DGKB: variants seen among roughly 807,000 people sequenced by gnomAD.
DGKB encodes diacylglycerol kinase beta, also known as 90 kDa diacylglycerol kinase.
Under a neutral mutation model 114.3 loss-of-function variants are expected in DGKB, and 67 were observed. That is an observed-to-expected ratio of 0.59 (90% CI 0.48 to 0.72). The LOEUF (loss-of-function observed/expected upper bound fraction) is 0.72, where lower values mean the gene tolerates loss of function less well. DGKB is among the 30% of genes least tolerant of loss of function. The pLI is 0.00. For missense variants in DGKB, 907 were observed against 975.2 expected (o/e 0.93, Z 0.93); for synonymous variants, 398 against 323.1 (o/e 1.23, Z -2.49).
Position 14,909,513 on chromosome 7 carries a change from A to T in DGKB, c.-188+65183T>A, listed in dbSNP as rs1398945168. Among the ~76,000 whole-genome samples, 2 of 152,142 alleles carry T rather than the reference A, an allele frequency of 1.3e-5. 1 individual carries two copies. Among genetic ancestry groups the T allele is most frequent in the Non-Finnish European group, 2.9e-5 (2 of 68,026 alleles). On this transcript the variant is annotated intron_variant, in intron 1 of 4. Transcript: ENST00000437998. ...ATAATTTGTAGAAATTGAAAAAAAAATGTTTTTCATTTAACATGTTTAAAA... is the reference window on the plus strand; with the variant it reads ...ATAATTTGTAGAAATTGAAAAAAAATTGTTTTTCATTTAACATGTTTAAAA...
intron 21 of DGKB, among the ~76,000 whole-genome samples, chr7:14,391,298 G>C (rs1299691173): frequency 6.6e-6 from 1 of 152,116 alleles, no homozygotes; most frequent in African/African-American, 2.4e-5. Flanking sequence ...CTCCTCATAA[G>C]CCAAGTCAAC....
chr7:14,729,170 T>G (rs1331007136), intron 5 of DGKB, among the ~76,000 whole-genome samples: 1 of 144,946 alleles, frequency 6.9e-6, no homozygotes, highest in Non-Finnish European at 1.5e-5. Context: ...TTGCCCAGGC[T>G]GGAGTGCAGT....
intron 13 of DGKB, among the ~76,000 whole-genome samples, chr7:14,654,759 C>G (rs1815415750): frequency 6.6e-6 from 1 of 151,852 alleles, no homozygotes; most frequent in Non-Finnish European, 1.5e-5. Flanking sequence ...GACATAGGCT[C>G]TAAGAACATA....
chr7:14,926,288 T>G lies in DGKB; in HGVS notation c.-188+48408A>C, dbSNP rs1330419087. 4.6e-5 allele frequency among the ~76,000 whole-genome samples: 7 copies of G among 152,188 alleles called. No individual in the cohort carries two copies. In the South Asian group the frequency reaches 1.4e-3, roughly 32 times the overall value. The stretch of plus-strand genomic sequence containing the variant: ...CTTGTCAGACAACCACACCATTTGA[T>G]TCATTTTCATATTGGCATCTGTTGA... On this transcript the variant is annotated intron_variant, in intron 1 of 4. Transcript: ENST00000437998.
intron 1 of DGKB, among the ~76,000 whole-genome samples, chr7:14,971,585 A>C (rs2115307746): frequency 6.6e-6 from 1 of 152,272 alleles, no homozygotes; most frequent in Admixed American, 6.5e-5. Flanking sequence ...CATTTCTGAA[A>C]CCAACTAGGC....
At chr7:14,725,667 C>T (rs1829916591) in intron 5 of DGKB, among the ~76,000 whole-genome samples, 1 of 151,916 alleles carries the variant, frequency 6.6e-6, no homozygotes. Context: ...CCCACCTCAG[C>T]CTCCAAGAAG....
intron 23 of DGKB, among the ~76,000 whole-genome samples, chr7:14,315,662 A>G (rs2128518059): frequency 6.8e-6 from 1 of 147,292 alleles, no homozygotes; most frequent in Non-Finnish European, 1.5e-5. Flanking sequence ...AAAGAGACTT[A>G]GACTCCCACA....
intron 25 of DGKB, among the ~76,000 whole-genome samples, chr7:14,153,803 A>C (rs1782576607): frequency 6.6e-6 from 1 of 152,118 alleles, no homozygotes; most frequent in African/African-American, 2.4e-5. Flanking sequence ...GCATGGCATC[A>C]GGCTTTTCAA....
chr7:14,660,242 C>T (rs1406472586), intron 13 of DGKB, among the ~76,000 whole-genome samples: 3 of 151,868 alleles, frequency 2.0e-5, no homozygotes, highest in African/African-American at 4.8e-5. Flanking sequence ...ATGATGCTGG[C>T]CTCATCAAAT....
chr7:14,191,986 C>T, intron 23 of DGKB: 1 of 607,040 alleles, frequency 1.6e-6, no homozygotes, highest in Non-Finnish European at 2.8e-6. Flanking sequence ...TGGTTCCTGG[C>T]AAGCTCCTGT....
chr7:14,746,288 C>G (rs975172877), intron 4 of DGKB, among the ~76,000 whole-genome samples: 1 of 152,082 alleles, frequency 6.6e-6, no homozygotes, highest in Non-Finnish European at 1.5e-5. Flanking sequence ...GAGCTGAGAT[C>G]ACACCACTGC....
intron 1 of DGKB, among the ~76,000 whole-genome samples, chr7:14,886,283 A>G (rs530574423): frequency 6.6e-6 from 1 of 151,982 alleles, no homozygotes; most frequent in Non-Finnish European, 1.5e-5. Context: ...AGATCTGAAC[A>G]TGGGAAGAAG....
intron 23 of DGKB, among the ~76,000 whole-genome samples, chr7:14,255,660 AAT>A (rs1795859988): frequency 6.6e-6 from 1 of 152,156 alleles, no homozygotes; most frequent in South Asian, 2.1e-4. Flanking sequence ...TCCTGAACTT[AAT>A]GTTAATTCTC....
chr7:14,397,291 G>A (rs1236922924), intron 21 of DGKB, among the ~76,000 whole-genome samples: 1 of 152,072 alleles, frequency 6.6e-6, no homozygotes, highest in Admixed American at 6.6e-5. Context: ...GCTGACCTGT[G>A]GGAGTTTGCC....
chr7:14,558,202 G>A (rs1796145280), intron 20 of DGKB, among the ~76,000 whole-genome samples: 1 of 135,532 alleles, frequency 7.4e-6, no homozygotes, highest in Non-Finnish European at 1.6e-5. Context: ...TCTGTATAGA[G>A]GATGACTATA....
intron 1 of DGKB, among the ~76,000 whole-genome samples, chr7:14,892,244 G>A (rs1781357972): frequency 6.6e-6 from 1 of 151,280 alleles, no homozygotes; most frequent in Non-Finnish European, 1.5e-5. Flanking sequence ...CCAGAATGGA[G>A]GCAATGCCCA....
At chr7:14,556,688 C>A (rs1040034224) in intron 20 of DGKB, among the ~76,000 whole-genome samples, 8 of 152,042 alleles carry the variant, frequency 5.3e-5, no homozygotes, top group African/African-American at 1.7e-4. Flanking sequence ...TTGAAATAAA[C>A]CCTATTGGGT....
intron 16 of DGKB, among the ~76,000 whole-genome samples, chr7:14,607,718 T>TA (rs1355890686): frequency 6.6e-6 from 1 of 152,000 alleles, no homozygotes; most frequent in Non-Finnish European, 1.5e-5. Flanking sequence ...TAGTAGCCAC[T>TA]ATTAAGGCAA....
At chr7:14,350,463 T>C (rs1813246407) in intron 21 of DGKB, among the ~76,000 whole-genome samples, 1 of 151,938 alleles carries the variant, frequency 6.6e-6, no homozygotes, top group Admixed American at 6.6e-5. Context: ...GTAACCTAAT[T>C]AGACATGAAA....
Sources: gnomAD v4.1 joint callset for allele counts (sites outside exome capture counted in the v4.1 genomes callset) on GRCh38, gnomAD v4.1.1 for gene constraint, MANE v1.5 for transcripts, NCBI Gene and HGNC (gene_info 2026-07-23, HGNC 2026-07-21) for gene names.